Variants in HADHA observed in about 807,000 individuals in gnomAD.
HADHA encodes the protein trifunctional enzyme subunit alpha, mitochondrial.
A neutral mutation model predicts 91.3 loss-of-function variants in HADHA; 59 were observed. The observed-to-expected ratio is 0.65, with a 90% CI of 0.52 to 0.80. HADHA has a LOEUF of 0.80. Ranked by LOEUF, HADHA falls within the 30% of genes least tolerant of loss-of-function variation. HADHA has a pLI of 0.00. For synonymous variants in HADHA, 320 were observed against 338.9 expected (o/e 0.94, Z 0.61); for missense variants, 800 against 927.6 (o/e 0.86, Z 1.79).
At chr2:26,198,641 T>G (rs1344296795) in intron 13 of HADHA, among the ~76,000 whole-genome samples, 1 of 136,168 alleles carries the variant, frequency 7.3e-6, no homozygotes, top group Admixed American at 7.9e-5. Flanking sequence ...GCAATAAAAG[T>G]AAAGTACTGC....
intron 13 of HADHA, among the ~76,000 whole-genome samples, chr2:26,198,485 A>T (rs1290858794): frequency 6.7e-6 from 1 of 148,998 alleles, no homozygotes; most frequent in Non-Finnish European, 1.5e-5. Flanking sequence ...TCATGTTTTT[A>T]TTCAGATGGT....
chr2:26,232,244 T>A lies in HADHA; in HGVS notation c.489A>T (p.Lys163Asn), dbSNP rs1347586924. 1.2e-6 allele frequency: 2 copies of A among 1,602,198 alleles called. No homozygotes were observed. Among genetic ancestry groups the A allele is most frequent in the African/African-American group, 2.7e-5 (2 of 74,748 alleles). Residue 163 changes from lysine to asparagine, a missense_variant, in exon 6 of 20, where the codon AAA (lysine) becomes AAT (asparagine). Transcript: ENST00000380649. ...AISCQYRIAT[K>N]DRKTVLGTPE... ...GGGTACCTAATACTGTTTTTCTGTC[T>A]TTTGTTGCTATTCTGTATTGGCATG...
chr2:26,237,083 C>T (rs1198844012), intron 3 of HADHA, 95 bp from the exon 4 acceptor site: 10 of 897,890 alleles, frequency 1.1e-5, no homozygotes, highest in Non-Finnish European at 1.9e-5. Context: ...AAGAAATATA[C>T]TTATCCGGCA....
intron 11 of HADHA, among the ~76,000 whole-genome samples, chr2:26,207,324 T>C (rs984506378): frequency 6.4e-4 from 97 of 151,808 alleles, no homozygotes; most frequent in African/African-American, 1.7e-3. Flanking sequence ...AGTAGGTTTT[T>C]TTTTTTTTTT....
At position 26,191,406 on chromosome 2, in the gene HADHA, A is replaced by G. The variant is rs777443658; in HGVS notation, c.2147-11T>C. ...CAAAGCGGAAAGGCCCTGAATAGAG[A>G]AAGAGGACTTCGTTGAAGGAGACGC... On this transcript the variant is annotated splice_polypyrimidine_tract_variant and intron_variant, in intron 19 of 19. Transcript: ENST00000380649. The G allele has an allele frequency of 6.2e-7, 1 of 1,614,114 alleles. No individual in the cohort carries two copies. The highest frequency in any genetic ancestry group is 2.2e-5 in the East Asian group (1 of 44,864).
chr2:26,232,084 C>T, intron 6 of HADHA, 76 bp downstream of exon 6: 1 of 1,005,962 alleles, frequency 9.9e-7, no homozygotes, highest in South Asian at 1.3e-5. Flanking sequence ...ACAATGAATG[C>T]CCATATTATG....
At chr2:26,231,891 C>T (rs1209965436) in intron 6 of HADHA, among the ~76,000 whole-genome samples, 1 of 150,910 alleles carries the variant, frequency 6.6e-6, no homozygotes, top group Non-Finnish European at 1.5e-5. Context: ...ATCGCTTGAA[C>T]CTGGGAGGAG....
At chr2:26,218,112 C>T (rs757401413) in intron 7 of HADHA, among the ~76,000 whole-genome samples, 2 of 151,998 alleles carry the variant, frequency 1.3e-5, no homozygotes, top group African/African-American at 2.4e-5. Context: ...TCAAGACCAG[C>T]CTGGCCAACA....
At position 26,239,128 on chromosome 2, in the gene HADHA, T is replaced by C. The variant is rs372350815; in HGVS notation, c.83A>G (p.Asn28Ser). The C allele has an allele frequency of 8.1e-6, 13 of 1,606,640 alleles. No individual in the cohort carries two copies. The highest frequency in any genetic ancestry group is 4.5e-5 in the East Asian group (2 of 44,802). The change falls in exon 2 of 20, where the codon AAT (asparagine) becomes AGT (serine). Residue 28 changes from asparagine to serine, a missense_variant. Asn to Ser is a conservative substitution (Grantham distance 46). Coordinates refer to ENST00000380649, the MANE Select transcript of HADHA (RefSeq NM_000182.5). ...ILRSRGYICR[N>S]FTGSSALLTR... Reference sequence around the variant, plus strand: ...CAGCAAAGCAGAAGACCCTGTAAAATTGCGGCATATATAACCTGTAAGAAA... The same window carrying C: ...CAGCAAAGCAGAAGACCCTGTAAAACTGCGGCATATATAACCTGTAAGAAA...
chr2:26,196,259 C>T (rs1170354548), intron 14 of HADHA, among the ~76,000 whole-genome samples: 3 of 152,192 alleles, frequency 2.0e-5, no homozygotes, highest in Non-Finnish European at 4.4e-5. Flanking sequence ...ATGTAATACA[C>T]AGATCAAGTA....
chr2:26,223,358 C>T (rs1162660440), intron 7 of HADHA, among the ~76,000 whole-genome samples: 2 of 152,082 alleles, frequency 1.3e-5, no homozygotes. Flanking sequence ...CTAACATGAC[C>T]TCTAATTAGT....
At chr2:26,226,496 T>C (rs1225240870) in intron 7 of HADHA, among the ~76,000 whole-genome samples, 9 of 152,152 alleles carry the variant, frequency 5.9e-5, no homozygotes, top group Non-Finnish European at 7.4e-5. Flanking sequence ...TAACTAGGAA[T>C]AGGAAATCCA....
chr2:26,191,428 A>T (rs765521978), intron 19 of HADHA, 33 bp from the exon 20 acceptor site: 3 of 1,613,992 alleles, frequency 1.9e-6, no homozygotes, highest in Non-Finnish European at 2.5e-6. Flanking sequence ...GTTGAAGGAG[A>T]CGCAACACGG....
At chr2:26,206,286 C>T (rs9309472) in intron 11 of HADHA, among the ~76,000 whole-genome samples, 112,387 of 149,986 alleles carry the variant, frequency 0.75, 45,192 homozygotes, top group Non-Finnish European at 0.91. Flanking sequence ...TGGAGTACAA[C>T]GGTGCGATCT....
chr2:26,201,128 G>A (rs754938149), intron 13 of HADHA, 21 bp downstream of exon 13: 4 of 1,584,324 alleles, frequency 2.5e-6, no homozygotes, highest in Non-Finnish European at 1.7e-6. Flanking sequence ...TAGGATTCAA[G>A]TACAACAGCC....
At chr2:26,201,929 G>C (rs963941717) in intron 12 of HADHA, among the ~76,000 whole-genome samples, 1 of 151,196 alleles carries the variant, frequency 6.6e-6, no homozygotes, top group Admixed American at 6.6e-5. Context: ...TGAGTAGCTG[G>C]GATTACAGGC....
chr2:26,205,822 T>A (rs1332574234), intron 11 of HADHA, among the ~76,000 whole-genome samples: 16 of 151,836 alleles, frequency 1.1e-4, no homozygotes, highest in African/African-American at 3.9e-4. Context: ...AAAAATTCTG[T>A]TTGACAAATG....
rs145303344 is a variant in HADHA, at chr2:26,214,454, T to C, written c.907A>G (p.Lys303Glu). The C allele has an allele frequency of 3.3e-6, 5 of 1,498,634 alleles. No homozygotes were observed. The highest frequency in any genetic ancestry group is 4.6e-6 in the Non-Finnish European group (5 of 1,076,566). The allele number at this position is 1,498,634 out of a possible 1,614,324, so 92.8% of individuals were successfully genotyped here. Residue 303 changes from lysine (K) to glutamate (E), a missense_variant, in exon 9 of 20, where the codon AAA becomes GAA. By Grantham distance (56) the Lys-to-Glu change is moderately conservative. Coordinates refer to ENST00000380649, the MANE Select transcript of HADHA (RefSeq NM_000182.5). This position sits in a 1 kb window ranked among gnomAD's most constrained non-coding sequence, Gnocchi z 4.1. ...QTKGLYPAPLKIIDVVKTGIE... is the reference protein window; with the variant it reads ...QTKGLYPAPLEIIDVVKTGIE... ...TGGGTAAGACTCACATCAATTATTT[T>C]CAGAGGTGCAGGATAAAGGCCTTTA...
intron 7 of HADHA, among the ~76,000 whole-genome samples, 190 bp downstream of exon 7, chr2:26,230,002 T>C (rs992883847): frequency 1.3e-5 from 2 of 152,164 alleles, no homozygotes; most frequent in Non-Finnish European, 2.9e-5. Context: ...TAATCATTTT[T>C]AGTGGAGACA....
Sources: allele counts gnomAD v4.1 joint callset (sites outside exome capture counted in the v4.1 genomes callset), GRCh38; gene constraint gnomAD v4.1.1; non-coding constraint Gnocchi (gnomAD v3.1); transcripts MANE v1.5; gene names NCBI Gene and HGNC (gene_info 2026-07-23, HGNC 2026-07-21).